Variants in SLC16A9 observed in about 807,000 individuals in gnomAD.
The protein encoded by SLC16A9 is solute carrier family 16 member 9, also known as monocarboxylate transporter 9.
A neutral mutation model predicts 44.3 loss-of-function variants in SLC16A9; 26 were observed. The observed-to-expected ratio is 0.59, with a 90% CI of 0.43 to 0.81. SLC16A9 has a LOEUF of 0.81. Ranked by LOEUF, SLC16A9 falls within the 40% of genes least tolerant of loss-of-function variation. The pLI is 0.00. For missense variants in SLC16A9, 559 were observed against 595.8 expected, an observed-to-expected ratio of 0.94 and a Z score of 0.64; for synonymous variants, 230 against 225.1, an observed-to-expected ratio of 1.02 and a Z score of -0.19.
At chr10:59,679,797 C>G (rs1839947637) in intron 2 of SLC16A9, among the ~76,000 whole-genome samples, 1 of 152,200 alleles carries the variant, frequency 6.6e-6, no homozygotes, top group Non-Finnish European at 1.5e-5. Context: ...AACACAGCCT[C>G]TGCAGTACCA....
chr10:59,668,456 C>G (rs1035633731), intron 3 of SLC16A9, among the ~76,000 whole-genome samples: 1 of 152,262 alleles, frequency 6.6e-6, no homozygotes, highest in South Asian at 2.1e-4. Flanking sequence ...AAGCATGAAG[C>G]CTCCACCCTC....
intron 1 of SLC16A9, among the ~76,000 whole-genome samples, chr10:59,690,651 G>T (rs562349682): frequency 2.4e-4 from 37 of 152,120 alleles, no homozygotes; most frequent in Middle Eastern, 3.2e-3. Flanking sequence ...AGCAAAACAA[G>T]ATTAGAAAAA....
In SLC16A9 at chr10:59,652,126, A is replaced by G. The variant is rs1839215250; in HGVS notation, c.*646T>C. ...CTCAGCAAATACCTTAGGAACTGAA[A>G]CAGTTGCTCAGTGGGTACCAAACAA... On this transcript the variant is annotated 3_prime_UTR_variant, in exon 6 of 6. Transcript: ENST00000395348. 6.6e-6 allele frequency: 1 copy of G among 152,212 alleles called. No individual in the cohort carries two copies. Among genetic ancestry groups the G allele is most frequent in the Non-Finnish European group, 1.5e-5 (1 of 68,036 alleles). The allele number at this position is 152,212 out of a possible 1,614,324, so 9.4% of individuals were successfully genotyped here. A position where few individuals can be genotyped will look rare whatever the true frequency, so the allele number is the denominator to read the frequency against.
In SLC16A9 at chr10:59,697,019, G is replaced by C. The variant is rs1231281931; in HGVS notation, c.-37+12460C>G. ...CCCCGCCCGGCCAGCCGCCCCGTCCGGGAGGTGAGGGGCGCCTCTGCCTGG... is the reference window on the plus strand; with the variant it reads ...CCCCGCCCGGCCAGCCGCCCCGTCCCGGAGGTGAGGGGCGCCTCTGCCTGG... On this transcript the variant is annotated intron_variant, in intron 1 of 5. Transcript: ENST00000395348. 3.1e-5 allele frequency among the ~76,000 whole-genome samples: 3 copies of C among 96,668 alleles called. No individual in the cohort carries two copies. In the Admixed American group the frequency reaches 3.6e-4, roughly 12 times the overall value. 63.4% of individuals were successfully genotyped at this position (96,668 alleles called of 152,430 possible). A position where few individuals can be genotyped will look rare whatever the true frequency, so the allele number is the denominator to read the frequency against.
chr10:59,654,273 G>T lies in SLC16A9; in HGVS notation c.753C>A (p.Ser251Arg). The change falls in exon 5 of 6, where the codon AGC (serine) becomes AGA (arginine). Residue 251 changes from serine (S) to arginine (R), a missense_variant. By Grantham distance (110) the Ser-to-Arg change is moderately radical (BLOSUM62 -1). Coordinates refer to ENST00000395348, the MANE Select transcript of SLC16A9 (RefSeq NM_194298.3). ...TLANGDWKQD[S>R]LLHKNPTVTH... ...TCACTGTGGGGTTTTTATGAAGTAG[G>T]CTGTCTTGTTTCCAGTCACCATTGG... 6.2e-7 allele frequency: 1 copy of T among 1,614,104 alleles called. No homozygotes were observed. Among genetic ancestry groups the T allele is most frequent in the East Asian group, 2.2e-5 (1 of 44,884 alleles).
chr10:59,700,374 C>T (rs1170578686), intron 1 of SLC16A9, among the ~76,000 whole-genome samples: 1 of 152,192 alleles, frequency 6.6e-6, no homozygotes, highest in African/African-American at 2.4e-5. Context: ...CTTCATACCC[C>T]AGTTTGCTGC....
intron 1 of SLC16A9, among the ~76,000 whole-genome samples, chr10:59,693,897 G>C (rs910499777): frequency 2.0e-5 from 3 of 150,104 alleles, no homozygotes; most frequent in African/African-American, 7.4e-5. Context: ...GATTACAGGC[G>C]TGAGCCACTG....
chr10:59,678,999 G>T (rs1305562376), intron 2 of SLC16A9, among the ~76,000 whole-genome samples: 2 of 152,122 alleles, frequency 1.3e-5, no homozygotes, highest in African/African-American at 4.8e-5. Context: ...CAGCAAGTGG[G>T]CCTGGCCATA....
chr10:59,653,043 A>T, intron 5 of SLC16A9, 93 bp from the exon 6 acceptor site: 1 of 901,458 alleles, frequency 1.1e-6, no homozygotes, highest in Non-Finnish European at 1.6e-6. Flanking sequence ...ATATAGTTAT[A>T]ATTAGTATAT....
Position 59,652,478 on chromosome 10 carries a change from C to T in SLC16A9, c.*294G>A. On this transcript the variant is annotated 3_prime_UTR_variant, in exon 6 of 6. Transcript: ENST00000395348. ...TTATACTTCTTTACACAGAGAAAGC[C>T]TTCTGAGGCTGGTCAAACTTTTTAC... The T allele has an allele frequency of 4.5e-6, 1 of 223,534 alleles. No homozygotes were observed. The highest frequency in any genetic ancestry group is 8.7e-6 in the Non-Finnish European group (1 of 115,596). The allele number at this position is 223,534 out of a possible 1,614,324, so 13.8% of individuals were successfully genotyped here. A position where few individuals can be genotyped will look rare whatever the true frequency, so the allele number is the denominator to read the frequency against.
At chr10:59,693,206 A>T (rs1422671500) in intron 1 of SLC16A9, among the ~76,000 whole-genome samples, 2 of 152,230 alleles carry the variant, frequency 1.3e-5, no homozygotes, top group Admixed American at 6.5e-5. Flanking sequence ...ACAGAACTTT[A>T]AAGTAAGTCT....
At chr10:59,699,758 C>T (rs1033439256) in intron 1 of SLC16A9, among the ~76,000 whole-genome samples, 2 of 151,802 alleles carry the variant, frequency 1.3e-5, no homozygotes, top group African/African-American at 4.8e-5. Flanking sequence ...TCATATAGCT[C>T]CCCCAAAATC....
chr10:59,676,330 T>C (rs1280586872), intron 2 of SLC16A9, among the ~76,000 whole-genome samples: 2 of 152,210 alleles, frequency 1.3e-5, no homozygotes, highest in African/African-American at 4.8e-5. Context: ...CAAAATGTGA[T>C]ATATTTATGT....
chr10:59,681,786 GTATATGTATATGTATATGTATATGTATA>G (rs1840024110), intron 2 of SLC16A9, among the ~76,000 whole-genome samples: 5 of 16,280 alleles, frequency 3.1e-4, no homozygotes, highest in African/African-American at 7.1e-4. Context: ...TGTATATGAT[GTATATGTATATGTATATGTATATGTATA>G]TATGATGTAT....
intron 1 of SLC16A9, among the ~76,000 whole-genome samples, chr10:59,700,726 C>G (rs370612143): frequency 6.6e-6 from 1 of 152,220 alleles, no homozygotes; most frequent in South Asian, 2.1e-4. Context: ...TCCTCACCTT[C>G]TCATCATTCC....
At chr10:59,694,137 C>T (rs1840316229) in intron 1 of SLC16A9, among the ~76,000 whole-genome samples, 1 of 150,334 alleles carries the variant, frequency 6.7e-6, no homozygotes, top group Non-Finnish European at 1.5e-5. Context: ...GACGGGGTTT[C>T]ACCGTGTAAA....
chr10:59,658,271 T>C (rs1248146085), intron 4 of SLC16A9, among the ~76,000 whole-genome samples: 1 of 151,594 alleles, frequency 6.6e-6, no homozygotes, highest in Non-Finnish European at 1.5e-5. Flanking sequence ...TTACATATAT[T>C]GATTGATGTC....
chr10:59,696,753 G>A lies in SLC16A9; in HGVS notation c.-36-12426C>T, dbSNP rs1313962157. On this transcript the variant is annotated intron_variant, in intron 1 of 5. Coordinates refer to ENST00000395348, the MANE Select transcript of SLC16A9 (RefSeq NM_194298.3). The stretch of plus-strand genomic sequence containing the variant: ...ATGTGAGGAGTGTCTCTGCCCGGCC[G>A]CCCCGTCTGAGAAGTGAGGAGACCC... Among the ~76,000 whole-genome samples the A allele has an allele frequency of 4.6e-5, 7 of 150,676 alleles. No individual in the cohort carries two copies. The South Asian group carries it at 1.1e-3, about 23-fold the overall frequency.
chr10:59,653,020 A>G (rs1588956708), intron 5 of SLC16A9, 70 bp from the exon 6 acceptor site: 1 of 1,226,408 alleles, frequency 8.2e-7, no homozygotes, highest in Non-Finnish European at 1.1e-6. Context: ...TACCCTAATT[A>G]TATCAGTTTT....
Sources: gnomAD v4.1 joint callset for allele counts (sites outside exome capture counted in the v4.1 genomes callset) on GRCh38, gnomAD v4.1.1 for gene constraint, MANE v1.5 for transcripts, NCBI Gene and HGNC (gene_info 2026-07-23, HGNC 2026-07-21) for gene names.